MAST3: variants seen among roughly 807,000 people sequenced by gnomAD.
MAST3 encodes the protein microtubule-associated serine/threonine-protein kinase 3.
In MAST3, 43 loss-of-function variants were observed where a neutral mutation model predicts 127.0. That is an observed-to-expected ratio of 0.34 (90% confidence interval 0.27 to 0.44). The LOEUF (loss-of-function observed/expected upper bound fraction) is 0.44, where lower values mean the gene tolerates loss of function less well. MAST3 is among the 20% of genes least tolerant of loss of function. The probability of loss-of-function intolerance (pLI) is 1.00; values close to 1 mark genes in which losing one functional copy is unlikely to be tolerated. For synonymous variants in MAST3, 785 were observed against 809.2 expected, an observed-to-expected ratio of 0.97 and a Z score of 0.51; for missense variants, 1,390 against 1,919.1, an observed-to-expected ratio of 0.72 and a Z score of 5.15.
At chr19:18,130,215 C>T (rs551588155) in intron 13 of MAST3, among the ~76,000 whole-genome samples, 1 of 152,162 alleles carries the variant, frequency 6.6e-6, no homozygotes, top group South Asian at 2.1e-4. Context: ...GGCGCTATCT[C>T]AAAAAACATA....
intron 19 of MAST3, 144 bp from the exon 20 acceptor site, chr19:18,138,871 C>T: frequency 1.6e-6 from 1 of 632,010 alleles, no homozygotes. Context: ...TCCCGTGGTC[C>T]TTAAACACAC....
At position 18,141,377 on chromosome 19, in the gene MAST3, CTTTT is replaced by C. The variant is rs370099564; in HGVS notation, c.2206-495_2206-492del. Among the ~76,000 whole-genome samples the C allele has an allele frequency of 2.6e-4, 32 of 122,772 alleles. 1 individual carries two copies. The highest frequency in any genetic ancestry group is 9.8e-4 in the African/African-American group (31 of 31,708). The allele number at this position is 122,772 out of a possible 152,430, so 80.5% of individuals were successfully genotyped here. A position where few individuals can be genotyped will look rare whatever the true frequency, so the allele number is the denominator to read the frequency against. On this transcript the variant is annotated intron_variant, in intron 20 of 27. Coordinates refer to ENST00000687212, the MANE Select transcript of MAST3 (RefSeq NM_001393504.1). ...GGAATCACTGGACTAAGCCAGCTTT[CTTTT>C]TTTTTTTTTGAAACAGAGTCTCGCT...
chr19:18,104,778 C>G (rs2037935770), intron 1 of MAST3, among the ~76,000 whole-genome samples: 1 of 152,140 alleles, frequency 6.6e-6, no homozygotes, highest in Non-Finnish European at 1.5e-5. Context: ...GCCCGCGGTT[C>G]GTAGGAGGTG....
intron 15 of MAST3, 108 bp downstream of exon 15, chr19:18,132,155 C>T (rs1194208702): frequency 2.1e-6 from 3 of 1,429,456 alleles, no homozygotes; most frequent in East Asian, 2.3e-5. Flanking sequence ...ATCCCGGGAC[C>T]CTTCAGGAGC....
At position 18,130,425 on chromosome 19, in the gene MAST3, C is replaced by G. The variant is rs2041152988; in HGVS notation, c.1224-69C>G. ...GGCCAGGCAGGTTGGGATCTGGGCTCAAGTTGAGCTGTAGTGCCTGCTGGG... is the reference window on the plus strand; with the variant it reads ...GGCCAGGCAGGTTGGGATCTGGGCTGAAGTTGAGCTGTAGTGCCTGCTGGG... On this transcript the variant is annotated intron_variant, in intron 13 of 27. Transcript: ENST00000687212. 5 of 1,412,846 alleles carry G rather than the reference C, an allele frequency of 3.5e-6. No individual in the cohort carries two copies. In the South Asian group the frequency reaches 6.2e-5, roughly 18 times the overall value. The allele number at this position is 1,412,846 out of a possible 1,614,324, so 87.5% of individuals were successfully genotyped here.
chr19:18,127,460 G>A (rs2040784921), intron 11 of MAST3, among the ~76,000 whole-genome samples: 1 of 152,146 alleles, frequency 6.6e-6, no homozygotes. Context: ...GAGGCAGGCG[G>A]ATTACCTGAG....
intron 18 of MAST3, among the ~76,000 whole-genome samples, chr19:18,136,078 A>T (rs1047410801): frequency 2.0e-5 from 3 of 152,194 alleles, no homozygotes; most frequent in Non-Finnish European, 2.9e-5. Flanking sequence ...AGCCTGAATA[A>T]GTGTGTGAGG....
At chr19:18,099,011 C>G (rs1599630375) in intron 1 of MAST3, 4 of 279,116 alleles carry the variant, frequency 1.4e-5, no homozygotes, top group Non-Finnish European at 2.9e-5. Context: ...CAGCGGGGGG[C>G]GGTATTTAGG....
intron 21 of MAST3, among the ~76,000 whole-genome samples, 189 bp downstream of exon 21, chr19:18,142,204 A>T (rs982447918): frequency 7.9e-5 from 12 of 152,030 alleles, no homozygotes; most frequent in South Asian, 2.1e-4. Flanking sequence ...CAAACATAAA[A>T]CAGCTGTGTA....
In MAST3 at chr19:18,130,701, A is replaced by G. The variant is rs2041176531; in HGVS notation, c.1431A>G (p.Glu477=). 2 of 1,613,084 alleles carry G rather than the reference A, an allele frequency of 1.2e-6. No homozygotes were observed. The highest frequency in any genetic ancestry group is 2.2e-5 in the South Asian group (2 of 90,924). Residue 477 remains glutamate (E), a splice_region_variant and synonymous_variant, in exon 14 of 28, where the codon GAA becomes GAG. Transcript: ENST00000687212. ...RHLCMVMEYV[E]GGDCATLLKN... ...TATGTATGGTCATGGAATACGTGGA[A>G]GGTACGCTCACTGGGGCTTGCATGC...
intron 15 of MAST3, among the ~76,000 whole-genome samples, chr19:18,132,449 C>G (rs2041422733): frequency 6.6e-6 from 1 of 152,160 alleles, no homozygotes; most frequent in Admixed American, 6.5e-5. Context: ...ACACACAGAA[C>G]AGGATTATGC....
rs1196342419 is a variant in MAST3, at chr19:18,134,856, T to C, written c.1744T>C (p.Phe582Leu). The C allele has an allele frequency of 6.2e-7, 1 of 1,614,008 alleles. No homozygotes were observed. The change falls in exon 17 of 28, where the codon TTC becomes CTC. Residue 582 changes from phenylalanine (F) to leucine (L), a missense_variant. By Grantham distance (22) the Phe-to-Leu change is conservative. Around this residue, in one of 5 missense-constraint regions of MAST3, gnomAD observed 191 missense variants for 409.0 expected, o/e 0.47. Transcript: ENST00000687212. Reference protein sequence around the residue: ...TPEYIAPEVIFRQGYGKPVDW... With the variant: ...TPEYIAPEVILRQGYGKPVDW... ...GGAGTACATAGCCCCCGAGGTGATC[T>C]TCCGCCAGGGCTATGGGAAGCCAGT... is the stretch of plus-strand genomic sequence containing the variant.
At chr19:18,122,173 G>T in intron 5 of MAST3, 1 of 970,412 alleles carries the variant, frequency 1.0e-6, no homozygotes, top group South Asian at 4.8e-5. Context: ...GGGGGATATA[G>T]CCCTAAGAAT....
intron 3 of MAST3, among the ~76,000 whole-genome samples, chr19:18,119,557 T>G (rs934370564): frequency 1.3e-5 from 2 of 152,208 alleles, no homozygotes; most frequent in Non-Finnish European, 2.9e-5. Flanking sequence ...TTGTTGGAAT[T>G]GGCAGATGTT....
In MAST3 at chr19:18,109,949, A is replaced by G. The variant is rs1210167482; in HGVS notation, c.72-703A>G. 4.1e-6 allele frequency: 4 copies of G among 985,048 alleles called. No homozygotes were observed. In the African/African-American group the frequency reaches 7.0e-5, roughly 17 times the overall value. 61.0% of individuals were successfully genotyped at this position (985,048 alleles called of 1,614,324 possible). A position where few individuals can be genotyped will look rare whatever the true frequency, so the allele number is the denominator to read the frequency against. ...GGGGAGAGGCGGGGTCAGGCCATGG[A>G]GCAATCGCGCGGACCGCGGAGCCAG... On this transcript the variant is annotated intron_variant, in intron 2 of 27. Transcript: ENST00000687212.
chr19:18,110,264 G>A lies in MAST3; in HGVS notation c.72-388G>A, dbSNP rs1358466524. 2.3e-5 allele frequency: 23 copies of A among 985,608 alleles called. No individual in the cohort carries two copies. The highest frequency in any genetic ancestry group is 2.8e-5 in the Non-Finnish European group (23 of 830,062). 61.1% of individuals were successfully genotyped at this position (985,608 alleles called of 1,614,324 possible). A position where few individuals can be genotyped will look rare whatever the true frequency, so the allele number is the denominator to read the frequency against. On this transcript the variant is annotated intron_variant, in intron 2 of 27. Transcript: ENST00000687212. This position sits in a 1 kb window ranked among gnomAD's most constrained non-coding sequence, Gnocchi z 4.3. Reference sequence around the variant, plus strand: ...GCTCGCGCCACGATCAGGGCTTCCGGGGGCCAACAAGGGGGCGTCGGTACC... The same window carrying A: ...GCTCGCGCCACGATCAGGGCTTCCGAGGGCCAACAAGGGGGCGTCGGTACC...
intron 11 of MAST3, among the ~76,000 whole-genome samples, chr19:18,128,058 C>T (rs2040855240): frequency 1.3e-5 from 2 of 152,140 alleles, no homozygotes; most frequent in South Asian, 4.1e-4. Context: ...CATATTGGAC[C>T]CTCCACCTGG....
chr19:18,101,306 C>G (rs933346356), intron 1 of MAST3, among the ~76,000 whole-genome samples: 1 of 152,096 alleles, frequency 6.6e-6, no homozygotes, highest in East Asian at 1.9e-4. Flanking sequence ...CAAGGTGATC[C>G]TGCTTTCTCA....
At chr19:18,117,143 C>T (rs552150051) in intron 3 of MAST3, among the ~76,000 whole-genome samples, 78 of 152,162 alleles carry the variant, frequency 5.1e-4, no homozygotes, top group African/African-American at 1.8e-3. Context: ...GTTCCAGGCT[C>T]TGTGTCTCAG....
Sources: allele counts gnomAD v4.1 joint callset (sites outside exome capture counted in the v4.1 genomes callset), GRCh38; gene constraint gnomAD v4.1.1; regional missense constraint gnomAD v4.1.1; non-coding constraint Gnocchi (gnomAD v3.1); transcripts MANE v1.5; gene names NCBI Gene and HGNC (gene_info 2026-07-23, HGNC 2026-07-21).